The following HTT variants were observed in gnomAD, a reference collection of about 807,000 sequenced individuals.
HTT encodes huntingtin, also known as huntington disease protein.
HTT carries 104 observed loss-of-function variants against 362.3 expected under a neutral mutation model. That is an observed-to-expected ratio of 0.29 (90% CI 0.24 to 0.34). The LOEUF (loss-of-function observed/expected upper bound fraction) is 0.34. Ranked by LOEUF, HTT falls within the 10% of genes least tolerant of loss-of-function variation. HTT has a pLI of 1.00. For missense variants in HTT, 3,301 were observed against 3,928.6 expected, an observed-to-expected ratio of 0.84 and a Z score of 4.27; for synonymous variants, 1,577 against 1,548.7, an observed-to-expected ratio of 1.02 and a Z score of -0.43.
chr4:3,197,457 G>T (rs1035424702), intron 40 of HTT, among the ~76,000 whole-genome samples: 8 of 151,960 alleles, frequency 5.3e-5, no homozygotes, highest in Non-Finnish European at 1.5e-5. Context: ...GCTACCCCAG[G>T]AACCCTAACC....
In HTT at chr4:3,214,104, C is replaced by T; in HGVS notation, c.6921C>T (p.Leu2307=). 6.3e-7 allele frequency: 1 copy of T among 1,582,508 alleles called. No individual in the cohort carries two copies. Among genetic ancestry groups the T allele is most frequent in the Non-Finnish European group, 8.6e-7 (1 of 1,160,748 alleles). ...AGTTTGTGACCCACGCCTGCTCCCTCATCTACTGTGTGCACTTCATCCTGG... is the reference window on the plus strand; with the variant it reads ...AGTTTGTGACCCACGCCTGCTCCCTTATCTACTGTGTGCACTTCATCCTGG... The part of the protein sequence containing the change: ...STEFVTHACS[L]IYCVHFILEA... Residue 2307 remains leucine (L), a synonymous_variant, in exon 50 of 67, where the codon CTC becomes CTT. Transcript: ENST00000355072.
chr4:3,092,497 C>A (rs954290298), intron 2 of HTT, among the ~76,000 whole-genome samples: 1 of 152,184 alleles, frequency 6.6e-6, no homozygotes, highest in Non-Finnish European at 1.5e-5. Flanking sequence ...ATCCTTCTGC[C>A]TCAGCCTTTT....
intron 49 of HTT, 49 bp downstream of exon 49, chr4:3,212,758 G>C: frequency 6.2e-7 from 1 of 1,600,818 alleles, no homozygotes; most frequent in Non-Finnish European, 8.6e-7. Flanking sequence ...GGGGGCATGG[G>C]GCTGACACTG....
chr4:3,089,215 A>T (rs897226296), intron 2 of HTT, among the ~76,000 whole-genome samples: 12 of 152,144 alleles, frequency 7.9e-5, no homozygotes, highest in African/African-American at 4.8e-5. Context: ...CGGGAAGCGT[A>T]TCCCATTGCG....
At chr4:3,163,307 G>A (rs1366123290) in intron 29 of HTT, among the ~76,000 whole-genome samples, 1 of 152,200 alleles carries the variant, frequency 6.6e-6, no homozygotes, top group Non-Finnish European at 1.5e-5. Flanking sequence ...GCTTTTTGAT[G>A]TGCTGCTGGA....
intron 26 of HTT, among the ~76,000 whole-genome samples, chr4:3,153,452 A>G (rs1459398949): frequency 6.6e-6 from 1 of 150,900 alleles, no homozygotes; most frequent in African/African-American, 2.4e-5. Context: ...GCTGCCTCCT[A>G]GAGCATTGGG....
At chr4:3,162,022 C>A (rs546227763) in intron 29 of HTT, among the ~76,000 whole-genome samples, 4 of 152,212 alleles carry the variant, frequency 2.6e-5, no homozygotes, top group African/African-American at 7.2e-5. Flanking sequence ...AATGTTATGG[C>A]CCAGGTTTTC....
Position 3,239,779 on chromosome 4 carries a change from C to A in HTT, c.9216-67C>A, listed in dbSNP as rs1251027795. 7 of 1,291,334 alleles carry A rather than the reference C, an allele frequency of 5.4e-6. No individual in the cohort carries two copies. The East Asian group carries it at 1.3e-4, about 23-fold the overall frequency. 80.0% of individuals were successfully genotyped at this position (1,291,334 alleles called of 1,614,324 possible). ...TGTAGACTGTTTCAGGAGAGGAACT[C>A]CCAGGTGAGGACAGGGAGGCAGCAT... On this transcript the variant is annotated intron_variant, in intron 66 of 66. Coordinates refer to ENST00000355072, the MANE Select transcript of HTT (RefSeq NM_001388492.1).
intron 2 of HTT, among the ~76,000 whole-genome samples, chr4:3,096,970 T>A (rs1323352949): frequency 6.6e-6 from 1 of 151,886 alleles, no homozygotes; most frequent in Non-Finnish European, 1.5e-5. Flanking sequence ...AACAAAAAAA[T>A]TAGCCAGGTG....
intron 18 of HTT, among the ~76,000 whole-genome samples, chr4:3,133,620 T>C (rs919929715): frequency 6.6e-6 from 1 of 151,986 alleles, no homozygotes; most frequent in African/African-American, 2.4e-5. Flanking sequence ...TGTTTCTGTA[T>C]AAAGTGGAAT....
chr4:3,216,810 G>T (rs1327226871), intron 51 of HTT, among the ~76,000 whole-genome samples: 1 of 152,116 alleles, frequency 6.6e-6, no homozygotes, highest in Non-Finnish European at 1.5e-5. Flanking sequence ...CGGATCACGA[G>T]GTCAGGAGAT....
Position 3,074,784 on chromosome 4 carries a change from C to T in HTT, c.-42C>T. ...GGTGCTGAGCGGCGCCGCGAGTCGG[C>T]CCGAGGCCTCCGGGGACTGCCGTGC... On this transcript the variant is annotated 5_prime_UTR_variant, in exon 1 of 67. Coordinates refer to ENST00000355072, the MANE Select transcript of HTT (RefSeq NM_001388492.1). 6.6e-7 allele frequency: 1 copy of T among 1,504,778 alleles called. No individual in the cohort carries two copies. Among genetic ancestry groups the T allele is most frequent in the Non-Finnish European group, 8.8e-7 (1 of 1,132,824 alleles). 93.2% of individuals were successfully genotyped at this position (1,504,778 alleles called of 1,614,324 possible).
chr4:3,220,071 T>C, intron 52 of HTT, 111 bp from the exon 53 acceptor site: 1 of 1,171,046 alleles, frequency 8.5e-7, no homozygotes, highest in Non-Finnish European at 1.3e-6. Flanking sequence ...TGGGACAGTG[T>C]TGGGGTAGTG....
At chr4:3,187,026 T>C (rs1718796630) in intron 38 of HTT, among the ~76,000 whole-genome samples, 1 of 149,186 alleles carries the variant, frequency 6.7e-6, no homozygotes, top group South Asian at 2.1e-4. Flanking sequence ...GCCCGGCTAA[T>C]TTTTTTGTAT....
intron 26 of HTT, among the ~76,000 whole-genome samples, chr4:3,150,567 C>A (rs1481981093): frequency 2.0e-5 from 3 of 152,218 alleles, no homozygotes; most frequent in East Asian, 3.8e-4. Context: ...CCATTTACCC[C>A]ACTTTGTGTC....
chr4:3,107,457 G>A lies in HTT; in HGVS notation c.747+34G>A, dbSNP rs1434291414. 5.0e-6 allele frequency: 8 copies of A among 1,610,966 alleles called. No homozygotes were observed. In the Admixed American group the frequency reaches 6.7e-5, roughly 13 times the overall value. ...GTTGCCTCAGGTCACAAACATGCGA[G>A]TGATGCTGTGAGTGAGTCTGTGGAG... On this transcript the variant is annotated intron_variant, in intron 6 of 66. Coordinates refer to ENST00000355072, the MANE Select transcript of HTT (RefSeq NM_001388492.1).
At chr4:3,129,885 A>G (rs1298971028) in intron 12 of HTT, 39 bp from the exon 13 acceptor site, 2 of 1,613,686 alleles carry the variant, frequency 1.2e-6, no homozygotes, top group East Asian at 2.2e-5. Flanking sequence ...CTTGGTGATC[A>G]CACTTCAAAA....
intron 29 of HTT, among the ~76,000 whole-genome samples, chr4:3,161,321 T>C (rs1049670732): frequency 6.6e-6 from 1 of 152,254 alleles, no homozygotes; most frequent in East Asian, 1.9e-4. Flanking sequence ...CAGTCTATCA[T>C]TGATGGACAT....
rs149028384 is a variant in HTT, at chr4:3,126,179, A to G, written c.1402+550A>G. Among the ~76,000 whole-genome samples the G allele has an allele frequency of 1.6e-3, 249 of 152,058 alleles. 2 individuals are homozygous for G. Among genetic ancestry groups the G allele is most frequent in the Admixed American group, 3.0e-3 (46 of 15,290 alleles). ...GCGATTCTCCTGCCTCAGCCTCCCA[A>G]GTAGCTGGGACTACAGGTGCCCGCC... On this transcript the variant is annotated intron_variant, in intron 11 of 66. Coordinates refer to ENST00000355072, the MANE Select transcript of HTT (RefSeq NM_001388492.1).
Sources: gnomAD v4.1 joint callset for allele counts (sites outside exome capture counted in the v4.1 genomes callset) on GRCh38, gnomAD v4.1.1 for gene constraint, MANE v1.5 for transcripts, NCBI Gene and HGNC (gene_info 2026-07-23, HGNC 2026-07-21) for gene names.